The following LAMA1 variants were observed in gnomAD, a reference collection of about 807,000 sequenced individuals.
The protein encoded by LAMA1 is laminin subunit alpha-1.
LAMA1 carries 219 observed loss-of-function variants against 348.7 expected under a neutral mutation model. The observed-to-expected ratio is 0.63, with a 90% CI of 0.56 to 0.70. LAMA1 has a LOEUF of 0.70. LAMA1 is among the 30% of genes least tolerant of loss of function. The pLI, the probability that LAMA1 is intolerant of heterozygous loss-of-function variation, is 0.00. For synonymous variants in LAMA1, 1,487 were observed against 1,491.0 expected, an observed-to-expected ratio of 1.00 and a Z score of 0.06; for missense variants, 3,744 against 3,888.0, an observed-to-expected ratio of 0.96 and a Z score of 0.99.
intron 11 of LAMA1, 37 bp downstream of exon 11, chr18:7,038,773 G>A (rs1309120570): frequency 1.2e-6 from 2 of 1,608,694 alleles, no homozygotes; most frequent in Non-Finnish European, 1.7e-6. Flanking sequence ...AATACGACCT[G>A]CTCATTAAAT....
At chr18:7,085,669 C>A (rs751888851) in intron 1 of LAMA1, among the ~76,000 whole-genome samples, 3 of 152,228 alleles carry the variant, frequency 2.0e-5, no homozygotes, top group South Asian at 2.1e-4. Context: ...CCGCCCGCCT[C>A]AGCCTCCCAA....
At chr18:7,098,404 G>A (rs1455799018) in intron 1 of LAMA1, among the ~76,000 whole-genome samples, 1 of 150,964 alleles carries the variant, frequency 6.6e-6, no homozygotes, top group Non-Finnish European at 1.5e-5. Flanking sequence ...AGGAAGTGAG[G>A]AGCACCTCTT....
chr18:7,052,830 C>T (rs2058067279), intron 3 of LAMA1, among the ~76,000 whole-genome samples: 1 of 152,044 alleles, frequency 6.6e-6, no homozygotes, highest in Non-Finnish European at 1.5e-5. Context: ...ACCATCCTGG[C>T]TAATACAGTG....
At chr18:7,107,397 C>G (rs929283262) in intron 1 of LAMA1, among the ~76,000 whole-genome samples, 1 of 152,008 alleles carries the variant, frequency 6.6e-6, no homozygotes, top group African/African-American at 2.4e-5. Flanking sequence ...AGATTACAGG[C>G]GTGAGCCACC....
chr18:6,999,836 A>G (rs1198912551), intron 31 of LAMA1, 75 bp downstream of exon 31: 1 of 1,372,866 alleles, frequency 7.3e-7, no homozygotes, highest in Non-Finnish European at 1.0e-6. Flanking sequence ...CCAGATTACT[A>G]TAGTAAATAT....
intron 3 of LAMA1, among the ~76,000 whole-genome samples, chr18:7,059,072 TA>T (rs1318631942): frequency 1.3e-5 from 2 of 152,134 alleles, no homozygotes; most frequent in African/African-American, 4.8e-5. Flanking sequence ...GTATTTTTAG[TA>T]GAGACGAGGT....
chr18:6,986,470 C>A, intron 36 of LAMA1, 123 bp from the exon 37 acceptor site: 1 of 811,732 alleles, frequency 1.2e-6, no homozygotes, highest in Non-Finnish European at 2.0e-6. Context: ...GTAAGTGATA[C>A]ATCATAACTT....
intron 1 of LAMA1, among the ~76,000 whole-genome samples, chr18:7,098,920 G>T (rs2058278243): frequency 6.7e-6 from 1 of 149,782 alleles, no homozygotes; most frequent in African/African-American, 2.5e-5. Flanking sequence ...GCCCCTACTG[G>T]GAAGTGAGGA....
chr18:7,069,627 C>T (rs1179469275), intron 3 of LAMA1, among the ~76,000 whole-genome samples: 1 of 152,170 alleles, frequency 6.6e-6, no homozygotes, highest in Non-Finnish European at 1.5e-5. Context: ...TGCCTCCTGC[C>T]CCAAGCTGCC....
chr18:6,947,076 T>C, intron 61 of LAMA1, 87 bp downstream of exon 61: 16 of 1,526,790 alleles, frequency 1.0e-5, no homozygotes, highest in African/African-American at 1.4e-5. Context: ...TGAAAATAGA[T>C]AGTTGTGAAT....
intron 3 of LAMA1, among the ~76,000 whole-genome samples, chr18:7,056,905 T>C (rs1279979664): frequency 6.6e-6 from 1 of 151,516 alleles, no homozygotes; most frequent in Non-Finnish European, 1.5e-5. Context: ...AGTGTCTCGC[T>C]CTGTCTCCCA....
chr18:7,091,176 T>C (rs1030540605), intron 1 of LAMA1, among the ~76,000 whole-genome samples: 3 of 152,222 alleles, frequency 2.0e-5, no homozygotes, highest in African/African-American at 7.2e-5. Context: ...GTTTTCTCTT[T>C]TGTTTCCAAG....
chr18:7,104,646 G>A (rs537002292), intron 1 of LAMA1, among the ~76,000 whole-genome samples: 1 of 152,286 alleles, frequency 6.6e-6, no homozygotes, highest in East Asian at 1.9e-4. Context: ...ACCACACAGG[G>A]CCTTAGAAGT....
At chr18:6,950,225 A>G (rs1165906014) in intron 58 of LAMA1, among the ~76,000 whole-genome samples, 1 of 152,152 alleles carries the variant, frequency 6.6e-6, no homozygotes, top group East Asian at 1.9e-4. Flanking sequence ...CCGGCTGCCA[A>G]ACTATCCTTG....
chr18:7,055,939 G>C (rs894460190), intron 3 of LAMA1, among the ~76,000 whole-genome samples: 15 of 152,068 alleles, frequency 9.9e-5, no homozygotes, highest in Admixed American at 9.2e-4. Flanking sequence ...AATTAGCTGG[G>C]CGTGGTGGCG....
chr18:6,997,489 A>T (rs528137766), intron 33 of LAMA1, among the ~76,000 whole-genome samples: 2 of 152,316 alleles, frequency 1.3e-5, no homozygotes, highest in African/African-American at 4.8e-5. Flanking sequence ...GGCAGCATTG[A>T]TGAGGAGTCC....
intron 3 of LAMA1, among the ~76,000 whole-genome samples, chr18:7,065,364 G>T (rs8091510): frequency 0.32 from 48,319 of 151,650 alleles, 8,843 homozygotes; most frequent in South Asian, 0.48. Flanking sequence ...CTAAAAAATA[G>T]TCTATTATTT....
chr18:6,952,509 G>A (rs1385298118), intron 57 of LAMA1, among the ~76,000 whole-genome samples: 1 of 152,142 alleles, frequency 6.6e-6, no homozygotes, highest in African/African-American at 2.4e-5. Context: ...AGTGAGAGAG[G>A]GAGTGCAGCA....
chr18:7,102,661 G>A (rs775460514), intron 1 of LAMA1, among the ~76,000 whole-genome samples: 2 of 152,260 alleles, frequency 1.3e-5, no homozygotes, highest in East Asian at 1.9e-4. Flanking sequence ...AATCTGAACT[G>A]AGGAACACAC....
Sources: gnomAD v4.1 joint callset for allele counts (sites outside exome capture counted in the v4.1 genomes callset) on GRCh38, gnomAD v4.1.1 for gene constraint, MANE v1.5 for transcripts, NCBI Gene and HGNC (gene_info 2026-07-23, HGNC 2026-07-21) for gene names.